The following ATP13A4 variants were observed in gnomAD, a reference collection of about 807,000 sequenced individuals.
ATP13A4 encodes ATPase 13A4.
In ATP13A4, 114 loss-of-function variants were observed where a neutral mutation model predicts 142.5. That is an observed-to-expected ratio of 0.80 (90% CI 0.69 to 0.93). The LOEUF is 0.93. Ranked by LOEUF, ATP13A4 falls within the 40% of genes least tolerant of loss-of-function variation. ATP13A4 has a pLI of 0.00. For missense variants in ATP13A4, 1,392 were observed against 1,454.0 expected, an observed-to-expected ratio of 0.96 and a Z score of 0.69; for synonymous variants, 488 against 514.8, an observed-to-expected ratio of 0.95 and a Z score of 0.70.
At chr3:193,478,634 CA>C (rs1472247865) in intron 8 of ATP13A4, among the ~76,000 whole-genome samples, 1 of 151,504 alleles carries the variant, frequency 6.6e-6, no homozygotes, top group Non-Finnish European at 1.5e-5. Flanking sequence ...AAAAAGTTAC[CA>C]AGAAAAAAAA....
intron 1 of ATP13A4, among the ~76,000 whole-genome samples, chr3:193,582,093 AT>A (rs756694988): frequency 0.53 from 77,752 of 146,836 alleles, 21,521 homozygotes; most frequent in African/African-American, 0.66. Flanking sequence ...CCATATATAT[AT>A]ATATATATAT....
chr3:193,581,590 A>C (rs1724547320), intron 2 of ATP13A4: 2 of 152,166 alleles, frequency 1.3e-5, no homozygotes, highest in Admixed American at 6.5e-5. Flanking sequence ...AATTCCTAGC[A>C]TTCCTAATCC....
intron 28 of ATP13A4, 114 bp downstream of exon 28, chr3:193,410,868 C>T (rs1008061993): frequency 5.5e-6 from 4 of 724,802 alleles, no homozygotes; most frequent in African/African-American, 1.8e-5. Context: ...GCTCTGCCAT[C>T]CCAAAAGAAT....
intron 2 of ATP13A4, among the ~76,000 whole-genome samples, chr3:193,581,473 T>A (rs1182079235): frequency 6.6e-6 from 1 of 152,186 alleles, no homozygotes. Context: ...AGCACCTCAT[T>A]ATATGTATAG....
chr3:193,522,253 C>T (rs767189117), intron 1 of ATP13A4, among the ~76,000 whole-genome samples: 2 of 152,204 alleles, frequency 1.3e-5, no homozygotes, highest in African/African-American at 4.8e-5. Flanking sequence ...ACTTATCCCA[C>T]CTATCAGCTG....
intron 1 of ATP13A4, 21 bp downstream of exon 1, chr3:193,554,719 G>A: frequency 1.9e-6 from 3 of 1,611,194 alleles, no homozygotes; most frequent in Non-Finnish European, 2.5e-6. Context: ...TGGGAAGAAG[G>A]GAATGTGGCT....
At chr3:193,405,642 C>T (rs1714456834) in intron 29 of ATP13A4, among the ~76,000 whole-genome samples, 1 of 151,556 alleles carries the variant, frequency 6.6e-6, no homozygotes, top group African/African-American at 2.4e-5. Flanking sequence ...TGTGGATTCC[C>T]AGTGACACTA....
At chr3:193,496,722 C>T (rs1484666497) in intron 3 of ATP13A4, among the ~76,000 whole-genome samples, 1 of 151,980 alleles carries the variant, frequency 6.6e-6, no homozygotes, top group Non-Finnish European at 1.5e-5. Flanking sequence ...ACCTGGGAGG[C>T]CGAGGTTGCA....
chr3:193,586,283 T>C (rs1275798248), intron 1 of ATP13A4, among the ~76,000 whole-genome samples: 1 of 152,208 alleles, frequency 6.6e-6, no homozygotes, highest in Non-Finnish European at 1.5e-5. Context: ...ATTTGAGGTT[T>C]GCCTATTCAT....
chr3:193,457,544 T>C (rs530733959), intron 14 of ATP13A4, 79 bp from the exon 15 acceptor site: 1 of 1,342,308 alleles, frequency 7.4e-7, no homozygotes, highest in African/African-American at 1.4e-5. Flanking sequence ...ACCCTCCCCT[T>C]GAGAAGATCC....
At chr3:193,577,606 C>T (rs1434406504) in intron 2 of ATP13A4, among the ~76,000 whole-genome samples, 6 of 152,206 alleles carry the variant, frequency 3.9e-5, no homozygotes, top group African/African-American at 1.4e-4. Context: ...ATTTGTACTA[C>T]ATTTTGCTGA....
intron 9 of ATP13A4, among the ~76,000 whole-genome samples, chr3:193,468,200 T>A (rs1471581393): frequency 4.6e-5 from 7 of 151,522 alleles, no homozygotes; most frequent in African/African-American, 1.7e-4. Flanking sequence ...AAATAAATAA[T>A]AAATAAATAA....
chr3:193,458,576 A>G (rs1717772893), intron 14 of ATP13A4: 1 of 170,660 alleles, frequency 5.9e-6, no homozygotes, highest in South Asian at 1.4e-4. Flanking sequence ...GAGTCTCAAC[A>G]AAAGCTCTTT....
At chr3:193,534,374 G>GA (rs1282004517) in intron 1 of ATP13A4, among the ~76,000 whole-genome samples, 21 of 151,768 alleles carry the variant, frequency 1.4e-4, no homozygotes, top group Non-Finnish European at 5.9e-5. Flanking sequence ...CAAACTGAAA[G>GA]AAAAAAGACA....
chr3:193,448,121 A>G (rs759511101), intron 18 of ATP13A4, 85 bp downstream of exon 18: 50 of 1,559,706 alleles, frequency 3.2e-5, no homozygotes, highest in African/African-American at 4.1e-5. Context: ...CAGAGTAGGT[A>G]GTCAACAACA....
intron 2 of ATP13A4, among the ~76,000 whole-genome samples, chr3:193,575,813 C>T (rs1724379345): frequency 2.6e-5 from 4 of 152,122 alleles, no homozygotes; most frequent in African/African-American, 9.7e-5. Context: ...CTGAGTTCCA[C>T]TCATAGGTTG....
chr3:193,554,737 T>C lies in ATP13A4; in HGVS notation c.60+3A>G. On this transcript the variant is annotated splice_donor_region_variant and intron_variant, in intron 1 of 29. Transcript: ENST00000342695. The stretch of plus-strand genomic sequence containing the variant: ...GAAGAAGGGAATGTGGCTAGAATCT[T>C]ACCATCTCATTCTCTTCTCCTTCAT... 6.2e-7 allele frequency: 1 copy of C among 1,613,442 alleles called. No homozygotes were observed. Among genetic ancestry groups the C allele is most frequent in the Non-Finnish European group, 8.5e-7 (1 of 1,179,888 alleles).
At chr3:193,410,886 G>C in intron 28 of ATP13A4, 96 bp downstream of exon 28, 1 of 826,904 alleles carries the variant, frequency 1.2e-6, no homozygotes. Context: ...AATAATTTGT[G>C]TCAAAAATCA....
chr3:193,457,074 T>G lies in ATP13A4; in HGVS notation c.1841A>C (p.Glu614Ala). The change falls in exon 16 of 30, where the codon GAG (glutamate) becomes GCG (alanine). Residue 614 changes from glutamate (E) to alanine (A), a missense_variant. By Grantham distance (107) the Glu-to-Ala change is moderately radical. Transcript: ENST00000342695. ...ALQRMTVIVQEMGGDRLAFMK... is the reference protein window; with the variant it reads ...ALQRMTVIVQAMGGDRLAFMK... ...GAATGCCAGTCGGTCACCTCCCATC[T>G]CTTGGACAATGACTGTCATTCTTTG... 1 of 1,614,058 alleles carries G rather than the reference T, an allele frequency of 6.2e-7. No individual in the cohort carries two copies. Among genetic ancestry groups the G allele is most frequent in the Non-Finnish European group, 8.5e-7 (1 of 1,180,032 alleles).
Sources: allele counts gnomAD v4.1 joint callset (sites outside exome capture counted in the v4.1 genomes callset), GRCh38; gene constraint gnomAD v4.1.1; transcripts MANE v1.5; gene names NCBI Gene and HGNC (gene_info 2026-07-23, HGNC 2026-07-21).